The following SGCD variants were observed in gnomAD, a reference collection of about 807,000 sequenced individuals.
SGCD encodes the protein sarcoglycan delta.
SGCD carries 18 observed loss-of-function variants against 36.6 expected under a neutral mutation model. The observed-to-expected ratio is 0.49, with a 90% CI of 0.34 to 0.73. SGCD has a LOEUF of 0.73. Ranked by LOEUF, SGCD falls within the 30% of genes least tolerant of loss-of-function variation. The pLI is 0.01. For missense variants in SGCD, 387 were observed against 346.7 expected (o/e 1.12, Z -0.92); for synonymous variants, 133 against 130.6 (o/e 1.02, Z -0.12).
At chr5:155,985,616 T>A (rs915518134) in intron 1 of SGCD, among the ~76,000 whole-genome samples, 1 of 152,138 alleles carries the variant, frequency 6.6e-6, no homozygotes, top group Admixed American at 6.5e-5. Flanking sequence ...ATGACTTACG[T>A]TAAGGAAGAG....
intron 3 of SGCD, among the ~76,000 whole-genome samples, chr5:156,302,319 C>T (rs538811472): frequency 3.9e-5 from 6 of 152,082 alleles, no homozygotes; most frequent in Non-Finnish European, 8.8e-5. Flanking sequence ...TTCTTCAGTA[C>T]ATCAATTGAA....
chr5:156,430,023 A>G (rs1171787100), intron 3 of SGCD, among the ~76,000 whole-genome samples: 4 of 152,092 alleles, frequency 2.6e-5, no homozygotes, highest in Non-Finnish European at 5.9e-5. Flanking sequence ...ATCTTTTGTG[A>G]TGAATTTCCC....
chr5:155,768,303 CCTAAA>C, the SGCD span, among the ~76,000 whole-genome samples: 1 of 122,282 alleles, frequency 8.2e-6, no homozygotes, highest in Admixed American at 7.6e-5. Flanking sequence ...TTTTTTTTTT[CCTAAA>C]CTATTTTGAA....
At chr5:156,133,537 T>C (rs538171080) in intron 3 of SGCD, among the ~76,000 whole-genome samples, 144 of 152,286 alleles carry the variant, frequency 9.5e-4, no homozygotes, top group African/African-American at 3.2e-3. Context: ...TAAAATTCTC[T>C]CATCTGATCT....
intron 1 of SGCD, among the ~76,000 whole-genome samples, chr5:156,041,868 T>C (rs1191934559): frequency 6.6e-6 from 1 of 152,164 alleles, no homozygotes; most frequent in Non-Finnish European, 1.5e-5. Flanking sequence ...ACAAAGGCAG[T>C]GAGTGACCTT....
chr5:155,871,710 G>C (rs1755660311), intron 1 of SGCD, among the ~76,000 whole-genome samples: 1 of 152,136 alleles, frequency 6.6e-6, no homozygotes. Context: ...TTGAGCATTG[G>C]GTAGGTAAAT....
intron 3 of SGCD, among the ~76,000 whole-genome samples, chr5:156,463,106 A>G (rs986967575): frequency 7.9e-5 from 12 of 152,140 alleles, no homozygotes; most frequent in African/African-American, 2.9e-4. Flanking sequence ...AACATCAGAG[A>G]CAGTGTGTAT....
intron 3 of SGCD, among the ~76,000 whole-genome samples, chr5:156,247,439 A>C (rs1765465924): frequency 6.6e-6 from 1 of 152,182 alleles, no homozygotes; most frequent in African/African-American, 2.4e-5. Flanking sequence ...ACTACATAGA[A>C]ATTATTTTAG....
At chr5:156,041,470 A>T (rs1200273625) in intron 1 of SGCD, among the ~76,000 whole-genome samples, 1 of 152,174 alleles carries the variant, frequency 6.6e-6, no homozygotes, top group Non-Finnish European at 1.5e-5. Context: ...CAGAAGAGAG[A>T]TGGTGGAGAG....
intron 4 of SGCD, among the ~76,000 whole-genome samples, chr5:156,544,477 C>T (rs1758479517): frequency 6.6e-6 from 1 of 152,182 alleles, no homozygotes; most frequent in Non-Finnish European, 1.5e-5. Flanking sequence ...TCCTAGCCCA[C>T]TCCACCAAAT....
At chr5:156,622,266 C>G (rs559062189) in intron 6 of SGCD, among the ~76,000 whole-genome samples, 12 of 151,862 alleles carry the variant, frequency 7.9e-5, no homozygotes, top group Non-Finnish European at 1.6e-4. Flanking sequence ...AACTTTGTCT[C>G]TACTAAAAAT....
chr5:156,474,069 G>A (rs1339764256), intron 3 of SGCD, among the ~76,000 whole-genome samples: 1 of 151,794 alleles, frequency 6.6e-6, no homozygotes, highest in Non-Finnish European at 1.5e-5. Flanking sequence ...AGTGGGGGAG[G>A]GAGAGCACTT....
At chr5:155,871,803 AG>A (rs1755662421) in intron 1 of SGCD, among the ~76,000 whole-genome samples, 1 of 152,200 alleles carries the variant, frequency 6.6e-6, no homozygotes, top group Non-Finnish European at 1.5e-5. Context: ...TGAAGGCTGG[AG>A]GTGAAGCTGA....
At chr5:155,817,314 A>G in the SGCD span, among the ~76,000 whole-genome samples, 2 of 151,840 alleles carry the variant, frequency 1.3e-5, no homozygotes, top group Non-Finnish European at 2.9e-5. Flanking sequence ...AAGGGTTAGA[A>G]CATTTTTATA....
chr5:156,332,652 G>A (rs1383474322), intron 2 of SGCD, among the ~76,000 whole-genome samples: 3 of 152,202 alleles, frequency 2.0e-5, no homozygotes, highest in African/African-American at 7.2e-5. Context: ...TGTTGAGATG[G>A]TCTAAGTCTC....
At chr5:156,647,688 A>G (rs1175751576) in intron 7 of SGCD, among the ~76,000 whole-genome samples, 152 bp downstream of exon 7, 1 of 152,156 alleles carries the variant, frequency 6.6e-6, no homozygotes, top group Non-Finnish European at 1.5e-5. Flanking sequence ...AGCTACAACC[A>G]AAAGAAAATT....
intron 3 of SGCD, among the ~76,000 whole-genome samples, chr5:156,447,608 C>T (rs1581008262): frequency 6.6e-6 from 1 of 152,032 alleles, no homozygotes; most frequent in South Asian, 2.1e-4. Flanking sequence ...ACAACAAGAA[C>T]ACATGGACAC....
intron 1 of SGCD, among the ~76,000 whole-genome samples, chr5:155,944,510 T>C (rs1757398868): frequency 6.6e-6 from 1 of 152,180 alleles, no homozygotes; most frequent in South Asian, 2.1e-4. Context: ...GATTACCTCG[T>C]TGGGTCACAT....
intron 7 of SGCD, among the ~76,000 whole-genome samples, chr5:156,676,422 A>G (rs535269678): frequency 2.6e-5 from 4 of 152,348 alleles, no homozygotes; most frequent in South Asian, 2.1e-4. Context: ...AAATCCCAGC[A>G]GTATTTTTCA....
Sources: allele counts gnomAD v4.1 joint callset (sites outside exome capture counted in the v4.1 genomes callset), GRCh38; gene constraint gnomAD v4.1.1; transcripts MANE v1.5; gene names NCBI Gene and HGNC (gene_info 2026-07-23, HGNC 2026-07-21).